CPSF3: variants seen among roughly 807,000 people sequenced by gnomAD.
CPSF3 encodes cleavage and polyadenylation specificity factor subunit 3.
In CPSF3, 57 loss-of-function variants were observed where a neutral mutation model predicts 84.1. That is an observed-to-expected ratio of 0.68 (90% CI 0.55 to 0.85). The LOEUF (loss-of-function observed/expected upper bound fraction) is 0.85. CPSF3 is among the 40% of genes least tolerant of loss of function. The pLI is 0.00. For missense variants in CPSF3, 522 were observed against 838.8 expected (o/e 0.62, Z 4.66); for synonymous variants, 275 against 278.1 (o/e 0.99, Z 0.11).
chr2:9,433,308 G>A (rs894946079), intron 5 of CPSF3, among the ~76,000 whole-genome samples: 1 of 152,196 alleles, frequency 6.6e-6, no homozygotes, highest in Admixed American at 6.5e-5. Context: ...AGTTTGCTAG[G>A]TGATTCTAAC....
intron 11 of CPSF3, among the ~76,000 whole-genome samples, chr2:9,449,289 T>G (rs1478837178): frequency 6.6e-6 from 1 of 151,134 alleles, no homozygotes; most frequent in Non-Finnish European, 1.5e-5. Flanking sequence ...ACTTGGGAGG[T>G]TGAGGCGGGA....
chr2:9,453,173 A>T, intron 12 of CPSF3, 152 bp downstream of exon 12: 1 of 543,988 alleles, frequency 1.8e-6, no homozygotes, highest in Non-Finnish European at 3.3e-6. Flanking sequence ...TTGTGGGGAG[A>T]GAAAAACACC....
intron 15 of CPSF3, among the ~76,000 whole-genome samples, chr2:9,466,238 GCGCA>G (rs1198904792): frequency 2.6e-4 from 32 of 123,400 alleles, no homozygotes; most frequent in South Asian, 5.3e-4. Context: ...ACACACGTGC[GCGCA>G]CGCACGCGCA....
At chr2:9,458,408 GAAAA>G (rs1402621820) in intron 14 of CPSF3, among the ~76,000 whole-genome samples, 1 of 150,594 alleles carries the variant, frequency 6.6e-6, no homozygotes, top group African/African-American at 2.4e-5. Context: ...TGTCTCAAAA[GAAAA>G]AAAAGAAAGA....
At chr2:9,460,683 T>TTTC (rs1245261702) in intron 15 of CPSF3, among the ~76,000 whole-genome samples, 14 of 150,896 alleles carry the variant, frequency 9.3e-5, no homozygotes, top group African/African-American at 3.4e-4. Context: ...TTCTTTCTTT[T>TTTC]TTTTTTTTTT....
At chr2:9,430,581 A>G (rs894601128) in intron 3 of CPSF3, among the ~76,000 whole-genome samples, 171 bp from the exon 4 acceptor site, 2 of 152,218 alleles carry the variant, frequency 1.3e-5, no homozygotes, top group Non-Finnish European at 2.9e-5. Context: ...TCCATTTTAG[A>G]ACTGTATGCA....
chr2:9,466,343 CGCGCGCGCG>C (rs1681961960), intron 15 of CPSF3, among the ~76,000 whole-genome samples: 2 of 58,426 alleles, frequency 3.4e-5, no homozygotes, highest in Admixed American at 1.3e-4. Flanking sequence ...CGCACACACG[CGCGCGCGCG>C]CACACACACA....
intron 1 of CPSF3, 149 bp from the exon 2 acceptor site, chr2:9,428,615 GA>G (rs1271474599): frequency 1.6e-5 from 10 of 608,486 alleles, no homozygotes; most frequent in Non-Finnish European, 3.0e-5. Context: ...CTGTCTTTGT[GA>G]TTTTGTAGAA....
intron 1 of CPSF3, among the ~76,000 whole-genome samples, chr2:9,427,740 T>C (rs1239711487): frequency 1.3e-5 from 2 of 152,060 alleles, no homozygotes; most frequent in East Asian, 3.9e-4. Context: ...GCTTGGCAAA[T>C]AGAAGCTGCT....
At chr2:9,434,019 G>C (rs1202032362) in intron 6 of CPSF3, 59 bp downstream of exon 6, 2 of 946,570 alleles carry the variant, frequency 2.1e-6, no homozygotes, top group Non-Finnish European at 3.3e-6. Context: ...TTTTTCTTTT[G>C]GAAAATAATA....
chr2:9,457,063 AAAAAG>A, intron 14 of CPSF3, 36 bp downstream of exon 14: 1 of 1,164,944 alleles, frequency 8.6e-7, no homozygotes, highest in Non-Finnish European at 1.2e-6. Flanking sequence ...AATGAGGGGA[AAAAAG>A]TTTTAAAAAG....
chr2:9,426,891 A>C (rs1156852865), intron 1 of CPSF3, among the ~76,000 whole-genome samples: 1 of 151,122 alleles, frequency 6.6e-6, no homozygotes. Context: ...AAAAAAAAAG[A>C]CTGAAATGAC....
chr2:9,456,871 G>T, intron 13 of CPSF3, 62 bp from the exon 14 acceptor site: 1 of 1,004,382 alleles, frequency 1.0e-6, no homozygotes. Context: ...ATAAACAAAC[G>T]AATGGTCTCT....
intron 16 of CPSF3, among the ~76,000 whole-genome samples, chr2:9,469,320 C>G (rs962378118): frequency 1.3e-5 from 2 of 152,118 alleles, no homozygotes; most frequent in Non-Finnish European, 2.9e-5. Context: ...GTTAGACAAC[C>G]CCCTCCCCAC....
chr2:9,426,550 A>T (rs1481621696), intron 1 of CPSF3, among the ~76,000 whole-genome samples: 1 of 152,216 alleles, frequency 6.6e-6, no homozygotes, highest in Admixed American at 6.5e-5. Flanking sequence ...AGTCCTTAGC[A>T]TGTCAGAAAG....
chr2:9,428,083 G>A lies in CPSF3; in HGVS notation c.51-682G>A, dbSNP rs1279593469. 3.3e-5 allele frequency among the ~76,000 whole-genome samples: 5 copies of A among 150,482 alleles called. No individual in the cohort carries two copies. The South Asian group carries it at 6.3e-4, about 19-fold the overall frequency. On this transcript the variant is annotated intron_variant, in intron 1 of 17. Coordinates refer to ENST00000238112, the MANE Select transcript of CPSF3 (RefSeq NM_016207.4). ...GCGATCTCAGCTCACTGCAAGCTCC[G>A]CCTCCTGGGTTCACACCATTCTCCT...
chr2:9,468,733 T>G (rs1463518073), intron 16 of CPSF3, among the ~76,000 whole-genome samples: 2 of 151,376 alleles, frequency 1.3e-5, no homozygotes, highest in Non-Finnish European at 2.9e-5. Flanking sequence ...TTCAAGCGAT[T>G]CTCCTGCCTC....
chr2:9,462,517 A>G (rs1681764493), intron 15 of CPSF3, among the ~76,000 whole-genome samples: 1 of 152,164 alleles, frequency 6.6e-6, no homozygotes, highest in African/African-American at 2.4e-5. Flanking sequence ...TCAGGATGTC[A>G]TCTGCTGTTC....
intron 6 of CPSF3, 27 bp downstream of exon 6, chr2:9,433,987 T>G: frequency 7.6e-7 from 1 of 1,307,798 alleles, no homozygotes; most frequent in South Asian, 1.3e-5. Flanking sequence ...TATATTGTAA[T>G]CAATGTAATG....
Sources: gnomAD v4.1 joint callset for allele counts (sites outside exome capture counted in the v4.1 genomes callset) on GRCh38, gnomAD v4.1.1 for gene constraint, MANE v1.5 for transcripts, NCBI Gene and HGNC (gene_info 2026-07-23, HGNC 2026-07-21) for gene names.